The following SLC39A9 variants were observed in gnomAD, a reference collection of about 807,000 sequenced individuals.
SLC39A9 encodes the protein zinc transporter ZIP9.
A neutral mutation model predicts 28.4 loss-of-function variants in SLC39A9; 14 were observed. The ratio of observed to expected loss-of-function variants is 0.49; its 90% CI spans 0.33 to 0.77. The LOEUF is 0.77. Ranked by LOEUF, SLC39A9 falls within the 30% of genes least tolerant of loss-of-function variation. The pLI, the probability that SLC39A9 is intolerant of heterozygous loss-of-function variation, is 0.02. For synonymous variants in SLC39A9, 119 were observed against 149.6 expected (o/e 0.80, Z 1.49); for missense variants, 283 against 381.1 (o/e 0.74, Z 2.14).
At chr14:69,431,926 G>A (rs7158775) in intron 2 of SLC39A9, among the ~76,000 whole-genome samples, 6,879 of 152,206 alleles carry the variant, frequency 0.045, 210 homozygotes, top group South Asian at 0.11. Context: ...ATTCCGTGGC[G>A]TATATGTACC....
intron 3 of SLC39A9, 101 bp from the exon 4 acceptor site, chr14:69,453,140 C>G: frequency 1.0e-6 from 1 of 1,000,582 alleles, no homozygotes; most frequent in Admixed American, 1.8e-5. Context: ...AGTTTGAGAC[C>G]AGCCTGGCCA....
intron 2 of SLC39A9, among the ~76,000 whole-genome samples, chr14:69,435,635 C>T (rs1343121751): frequency 6.6e-6 from 1 of 152,132 alleles, no homozygotes; most frequent in African/African-American, 2.4e-5. Flanking sequence ...CCATTGTAGC[C>T]AGATTCCCTG....
chr14:69,444,878 A>T (rs141349888), intron 3 of SLC39A9, among the ~76,000 whole-genome samples: 1 of 152,020 alleles, frequency 6.6e-6, no homozygotes, highest in Non-Finnish European at 1.5e-5. Flanking sequence ...CTGAGGTAGG[A>T]TGATTACTTG....
chr14:69,457,732 C>T (rs755886194), intron 6 of SLC39A9, among the ~76,000 whole-genome samples: 1 of 152,126 alleles, frequency 6.6e-6, no homozygotes, highest in Non-Finnish European at 1.5e-5. Flanking sequence ...TTTTAAAAAG[C>T]AATTGTGAAC....
At chr14:69,419,679 G>T (rs892413467) in intron 1 of SLC39A9, among the ~76,000 whole-genome samples, 11 of 152,124 alleles carry the variant, frequency 7.2e-5, no homozygotes, top group African/African-American at 2.4e-4. Context: ...ATGAATCCGG[G>T]TGCTCCTGTA....
intron 2 of SLC39A9, among the ~76,000 whole-genome samples, chr14:69,432,832 C>G (rs908087349): frequency 6.6e-6 from 1 of 152,104 alleles, no homozygotes; most frequent in African/African-American, 2.4e-5. Context: ...TGTTGAAGAT[C>G]AGATGGCTGT....
At chr14:69,421,943 T>C (rs1883922405) in intron 1 of SLC39A9, among the ~76,000 whole-genome samples, 1 of 152,182 alleles carries the variant, frequency 6.6e-6, no homozygotes, top group South Asian at 2.1e-4. Flanking sequence ...GGAAATCCCC[T>C]GACCCCTTGC....
intron 1 of SLC39A9, among the ~76,000 whole-genome samples, chr14:69,420,901 T>C (rs1883850646): frequency 6.6e-6 from 1 of 152,246 alleles, no homozygotes; most frequent in South Asian, 2.1e-4. Context: ...GTCTAATCTT[T>C]TTTCAAGGTT....
At chr14:69,457,351 C>T (rs539001748) in intron 6 of SLC39A9, among the ~76,000 whole-genome samples, 46 of 151,856 alleles carry the variant, frequency 3.0e-4, no homozygotes, top group African/African-American at 1.0e-3. Flanking sequence ...TACAGGCGCC[C>T]GCCACCATGC....
chr14:69,448,026 A>G (rs988860524), intron 3 of SLC39A9, among the ~76,000 whole-genome samples: 1 of 151,896 alleles, frequency 6.6e-6, no homozygotes, highest in East Asian at 1.9e-4. Context: ...CATCCTGGCT[A>G]ACACGGTGAA....
At chr14:69,449,270 G>A (rs1351321096) in intron 3 of SLC39A9, among the ~76,000 whole-genome samples, 1 of 152,160 alleles carries the variant, frequency 6.6e-6, no homozygotes, top group Non-Finnish European at 1.5e-5. Flanking sequence ...GACTCTGGCT[G>A]TATCACACAG....
At chr14:69,431,405 C>CT (rs1021422568) in intron 2 of SLC39A9, among the ~76,000 whole-genome samples, 1,922 of 140,552 alleles carry the variant, frequency 0.014, 36 homozygotes, top group African/African-American at 0.042. Flanking sequence ...TCCTATCTGC[C>CT]TTTTTTTTTT....
rs1882503905 is a variant in SLC39A9 at position 69,399,572 on chromosome 14, C to T, written c.96+107C>T. 6.4e-6 allele frequency: 5 copies of T among 778,806 alleles called. No individual in the cohort carries two copies. In the South Asian group the frequency reaches 6.7e-5, roughly 10 times the overall value. The allele number at this position is 778,806 out of a possible 1,614,324, so 48.2% of individuals were successfully genotyped here. On this transcript the variant is annotated intron_variant, in intron 1 of 6. Coordinates refer to ENST00000336643, the MANE Select transcript of SLC39A9 (RefSeq NM_018375.5). ...AGTTAAATCTCAAAGCTGAAGGTCT[C>T]ATTAAGAAAGACTATCTTTTTTAAA...
chr14:69,449,153 G>A (rs1311827964), intron 3 of SLC39A9, among the ~76,000 whole-genome samples: 1 of 152,088 alleles, frequency 6.6e-6, no homozygotes, highest in Admixed American at 6.5e-5. Context: ...TTTCCATAGA[G>A]TTATATTTTT....
At chr14:69,402,211 G>C (rs1198450171) in intron 1 of SLC39A9, among the ~76,000 whole-genome samples, 3 of 149,930 alleles carry the variant, frequency 2.0e-5, no homozygotes, top group Non-Finnish European at 4.4e-5. Context: ...CTAACACTAA[G>C]ATAGGTGATG....
intron 2 of SLC39A9, among the ~76,000 whole-genome samples, chr14:69,436,498 C>A (rs1884762800): frequency 6.6e-6 from 1 of 152,134 alleles, no homozygotes; most frequent in Non-Finnish European, 1.5e-5. Flanking sequence ...ATGTTTATTT[C>A]TTTTGTTTTA....
Position 69,401,001 on chromosome 14 carries a change from T to G in SLC39A9, c.96+1536T>G, listed in dbSNP as rs562497300. On this transcript the variant is annotated intron_variant, in intron 1 of 6. Transcript: ENST00000336643. ...CTCTTAAAAAAAAAAAAAAAGAAAATAAAAATCAGTGACATATAGATGAGG... is the reference window on the plus strand; with the variant it reads ...CTCTTAAAAAAAAAAAAAAAGAAAAGAAAAATCAGTGACATATAGATGAGG... Among the ~76,000 whole-genome samples the G allele has an allele frequency of 9.1e-4, 133 of 146,726 alleles. 2 individuals carry two copies. Among genetic ancestry groups the G allele is most frequent in the South Asian group, 6.1e-3 (28 of 4,606 alleles).
intron 2 of SLC39A9, among the ~76,000 whole-genome samples, chr14:69,424,802 A>G (rs1050922585): frequency 2.0e-5 from 3 of 152,192 alleles, no homozygotes; most frequent in East Asian, 1.9e-4. Flanking sequence ...TCCGATTACT[A>G]CATGTCATGA....
intron 2 of SLC39A9, among the ~76,000 whole-genome samples, chr14:69,427,873 GAA>G (rs1192838159): frequency 6.6e-6 from 1 of 152,204 alleles, no homozygotes; most frequent in Non-Finnish European, 1.5e-5. Context: ...ACAGCAGTTT[GAA>G]AAGAGCCCAT....
Sources: gnomAD v4.1 joint callset for allele counts (sites outside exome capture counted in the v4.1 genomes callset) on GRCh38, gnomAD v4.1.1 for gene constraint, MANE v1.5 for transcripts, NCBI Gene and HGNC (gene_info 2026-07-23, HGNC 2026-07-21) for gene names.